Variants in KSR2 observed in about 807,000 individuals in gnomAD.
KSR2 encodes kinase suppressor of ras 2.
Under a neutral mutation model 107.8 loss-of-function variants are expected in KSR2, and 25 were observed. The observed-to-expected ratio is 0.23, with a 90% CI of 0.17 to 0.32. The LOEUF (loss-of-function observed/expected upper bound fraction) is 0.32. Ranked by LOEUF, KSR2 falls within the 10% of genes least tolerant of loss-of-function variation. The pLI, the probability that KSR2 is intolerant of heterozygous loss-of-function variation, is 1.00. For synonymous variants in KSR2, 480 were observed against 507.0 expected, an observed-to-expected ratio of 0.95 and a Z score of 0.71; for missense variants, 887 against 1,268.9, an observed-to-expected ratio of 0.70 and a Z score of 4.57.
chr12:117,702,502 T>C (rs749021789), intron 4 of KSR2, among the ~76,000 whole-genome samples: 9 of 152,028 alleles, frequency 5.9e-5, no homozygotes, highest in Non-Finnish European at 1.2e-4. Context: ...TCCATCAAAC[T>C]GAAAAAGGAA....
chr12:117,582,046 C>T (rs923518699), intron 6 of KSR2, among the ~76,000 whole-genome samples: 3 of 152,202 alleles, frequency 2.0e-5, no homozygotes, highest in Non-Finnish European at 4.4e-5. Flanking sequence ...GTCAGTCTGA[C>T]TCCAAAGCCC....
rs145055159 is a variant in KSR2 at position 117,476,478 on chromosome 12, G to A, written c.2568C>T (p.Asp856=). The A allele has an allele frequency of 2.1e-4, 339 of 1,602,738 alleles. No individual in the cohort carries two copies. The East Asian group carries it at 4.1e-3, about 20-fold the overall frequency. ...EDKLPFSKHS[D]VFALGTIWYE... is the part of the protein sequence containing the mutation. ...GGCCCACTTACCCAAGGGCAAAGAC[G>A]TCAGAGTGCTTGGAGAAGGGGAGCT... The change falls in exon 17 of 20, where the codon GAC becomes GAT. Residue 856 remains aspartate, a synonymous_variant. Transcript: ENST00000339824.
chr12:117,749,184 G>A (rs1162996208), intron 4 of KSR2, among the ~76,000 whole-genome samples: 1 of 125,920 alleles, frequency 7.9e-6, no homozygotes, highest in Non-Finnish European at 1.6e-5. Context: ...CTTGACATGG[G>A]AAGCCCTCGG....
chr12:117,510,643 A>C (rs913737869), intron 14 of KSR2, among the ~76,000 whole-genome samples: 4 of 152,146 alleles, frequency 2.6e-5, no homozygotes, highest in African/African-American at 9.7e-5. Flanking sequence ...TTGGGAGGCC[A>C]AGGCAGGTAG....
At chr12:117,895,926 G>A (rs992687698) in intron 1 of KSR2, among the ~76,000 whole-genome samples, 11 of 152,156 alleles carry the variant, frequency 7.2e-5, no homozygotes, top group Non-Finnish European at 1.5e-5. Context: ...AGGTATGGTG[G>A]TGGGTGCCTT....
At chr12:117,804,680 T>C (rs536549085) in intron 3 of KSR2, among the ~76,000 whole-genome samples, 13 of 152,316 alleles carry the variant, frequency 8.5e-5, no homozygotes, top group African/African-American at 2.9e-4. Flanking sequence ...TTCAAGATAA[T>C]AAGCGTTGTG....
chr12:117,479,119 G>A (rs1220663139), intron 16 of KSR2, among the ~76,000 whole-genome samples: 5 of 152,158 alleles, frequency 3.3e-5, no homozygotes, highest in African/African-American at 1.2e-4. Context: ...CCATACATGC[G>A]ATTCTTTAAG....
chr12:117,927,624 CA>C (rs1895567973), intron 1 of KSR2, among the ~76,000 whole-genome samples: 1 of 150,034 alleles, frequency 6.7e-6, no homozygotes, highest in South Asian at 2.1e-4. Flanking sequence ...CCCTGAGGGA[CA>C]GAGGTTGCAG....
chr12:117,571,616 T>C (rs1004245078), intron 7 of KSR2, among the ~76,000 whole-genome samples: 1 of 152,170 alleles, frequency 6.6e-6, no homozygotes, highest in South Asian at 2.1e-4. Context: ...GTGGGTGATG[T>C]AAGACTGTGA....
intron 4 of KSR2, among the ~76,000 whole-genome samples, chr12:117,730,947 G>C (rs531195997): frequency 7.2e-4 from 110 of 152,120 alleles, no homozygotes; most frequent in South Asian, 5.0e-3. Context: ...AGGAAGTGAG[G>C]AGCGTCTCTG....
chr12:117,651,598 T>C (rs1278339132), intron 5 of KSR2, among the ~76,000 whole-genome samples: 1 of 152,238 alleles, frequency 6.6e-6, no homozygotes, highest in Non-Finnish European at 1.5e-5. Context: ...TTCTAATAGT[T>C]TATTTGCTTG....
chr12:117,840,101 T>TTA lies in KSR2; in HGVS notation c.472+15326_472+15327insTA, dbSNP rs66853281. Among the ~76,000 whole-genome samples, 492 of 96,216 alleles carry TTA rather than the reference T, an allele frequency of 5.1e-3. 4 individuals carry two copies. Among genetic ancestry groups the TTA allele is most frequent in the African/African-American group, 0.031 (330 of 10,644 alleles). 63.1% of individuals were successfully genotyped at this position (96,216 alleles called of 152,430 possible). On this transcript the variant is annotated intron_variant, in intron 3 of 19. Transcript: ENST00000339824. ...TTTTATTTTATTTTACTTTATTTTATTTTATTTTTTTTTTTGAGATGGAGT... is the reference window on the plus strand; with the variant it reads ...TTTTATTTTATTTTACTTTATTTTATTATTTATTTTTTTTTTTGAGATGGAGT...
chr12:117,776,137 T>C (rs924149321), intron 3 of KSR2, among the ~76,000 whole-genome samples: 1 of 152,234 alleles, frequency 6.6e-6, no homozygotes, highest in East Asian at 1.9e-4. Context: ...ATCTAGAAAG[T>C]TCCAGGTCCA....
chr12:117,488,255 G>A (rs1872575390), intron 14 of KSR2, among the ~76,000 whole-genome samples: 2 of 152,180 alleles, frequency 1.3e-5, no homozygotes, highest in South Asian at 2.1e-4. Flanking sequence ...TTTATTAGCA[G>A]CGTGAAAACG....
In KSR2 at chr12:117,462,069, C is replaced by T. The variant is rs539020527; in HGVS notation, c.*5130G>A. 2.0e-5 allele frequency: 3 copies of T among 151,982 alleles called. No homozygotes were observed. Among genetic ancestry groups the T allele is most frequent in the African/African-American group, 4.8e-5 (2 of 41,446 alleles). The allele number at this position is 151,982 out of a possible 1,614,324, so 9.4% of individuals were successfully genotyped here. A position where few individuals can be genotyped will look rare whatever the true frequency, so the allele number is the denominator to read the frequency against. ...GAGCTGTTGGAATTCAGTGATGGGA[C>T]GTGTTGATTGGGGCAAGCTTGGTAA... On this transcript the variant is annotated 3_prime_UTR_variant, in exon 20 of 20. Transcript: ENST00000339824.
intron 3 of KSR2, among the ~76,000 whole-genome samples, chr12:117,836,977 C>G (rs1245542602): frequency 1.3e-5 from 2 of 152,220 alleles, no homozygotes; most frequent in Non-Finnish European, 2.9e-5. Context: ...TATTTGGAGG[C>G]TGCATTTCAA....
intron 3 of KSR2, among the ~76,000 whole-genome samples, chr12:117,807,905 C>T (rs1891066643): frequency 1.3e-5 from 2 of 152,330 alleles, no homozygotes; most frequent in South Asian, 4.1e-4. Context: ...CCTTTCCAGC[C>T]CCCTCCAGTC....
At chr12:117,843,840 C>G (rs796407210) in intron 3 of KSR2, among the ~76,000 whole-genome samples, 1 of 151,956 alleles carries the variant, frequency 6.6e-6, no homozygotes, top group Non-Finnish European at 1.5e-5. Flanking sequence ...AACAGCTGGA[C>G]GTATTGGCTG....
At position 117,618,909 on chromosome 12, in the gene KSR2, G is replaced by T. The variant is rs75211975; in HGVS notation, c.1172-36550C>A. 4.9e-3 allele frequency among the ~76,000 whole-genome samples: 742 copies of T among 152,184 alleles called. 4 individuals carry two copies. The highest frequency in any genetic ancestry group is 0.017 in the African/African-American group (687 of 41,518). ...GCCACACTCAAGCCCTCACTTCCTT[G>T]GTAGCTTGATAATACCTTCAAACAT... On this transcript the variant is annotated intron_variant, in intron 5 of 19. Transcript: ENST00000339824.
Sources: allele counts gnomAD v4.1 joint callset (sites outside exome capture counted in the v4.1 genomes callset), GRCh38; gene constraint gnomAD v4.1.1; transcripts MANE v1.5; gene names NCBI Gene and HGNC (gene_info 2026-07-23, HGNC 2026-07-21).